The following VSTM5 variants were observed in gnomAD, a reference collection of about 807,000 sequenced individuals.
VSTM5 encodes the protein V-set and transmembrane domain containing 5.
VSTM5 carries 21 observed loss-of-function variants against 20.3 expected under a neutral mutation model. The ratio of observed to expected loss-of-function variants is 1.03; its 90% confidence interval spans 0.73 to 1.49. The LOEUF (loss-of-function observed/expected upper bound fraction) is 1.49. Among genes scored for constraint, VSTM5 ranks in the 40% most tolerant of loss-of-function variants. The probability of loss-of-function intolerance (pLI) is 0.00; values close to 1 mark genes in which losing one functional copy is unlikely to be tolerated. For synonymous variants in VSTM5, 100 were observed against 102.5 expected (o/e 0.98, Z 0.14); for missense variants, 219 against 250.0 (o/e 0.88, Z 0.84).
intron 1 of VSTM5, among the ~76,000 whole-genome samples, chr11:93,827,950 C>A (rs1005149500): frequency 3.3e-5 from 5 of 152,088 alleles, no homozygotes; most frequent in Non-Finnish European, 7.4e-5. Context: ...AAACTGTTAA[C>A]AGGAATTGCC....
At chr11:93,828,431 C>G (rs192692398) in intron 1 of VSTM5, among the ~76,000 whole-genome samples, 104 of 152,300 alleles carry the variant, frequency 6.8e-4, no homozygotes, top group African/African-American at 2.2e-3. Context: ...GTTACTTACT[C>G]CTTTTCTTAC....
chr11:93,844,149 T>C (rs541698343), intron 1 of VSTM5, among the ~76,000 whole-genome samples: 106 of 152,312 alleles, frequency 7.0e-4, no homozygotes, highest in African/African-American at 2.5e-3. Flanking sequence ...GGCTGTGGAA[T>C]TGAATTGACC....
At chr11:93,838,591 A>T (rs1944343230) in intron 1 of VSTM5, among the ~76,000 whole-genome samples, 2 of 151,642 alleles carry the variant, frequency 1.3e-5, no homozygotes, top group Non-Finnish European at 2.9e-5. Flanking sequence ...CAGGAGTTCA[A>T]GACCAGTCTT....
chr11:93,832,107 A>C (rs1944287806), intron 1 of VSTM5, among the ~76,000 whole-genome samples: 1 of 152,224 alleles, frequency 6.6e-6, no homozygotes. Flanking sequence ...CACTGTTGTC[A>C]TAAAGCACAG....
chr11:93,846,200 T>TAG (rs1555039317), intron 1 of VSTM5, among the ~76,000 whole-genome samples: 1 of 152,162 alleles, frequency 6.6e-6, no homozygotes, highest in African/African-American at 2.4e-5. Flanking sequence ...TTAGATATAG[T>TAG]AAGTTTTTTT....
intron 1 of VSTM5, among the ~76,000 whole-genome samples, chr11:93,825,293 C>T (rs1169622222): frequency 6.6e-6 from 1 of 152,098 alleles, no homozygotes; most frequent in African/African-American, 2.4e-5. Context: ...CCTCAGCCTC[C>T]CAAGTAGCTG....
chr11:93,821,012 C>T lies in VSTM5; in HGVS notation c.403G>A (p.Val135Met), dbSNP rs368987142. ...RLGSSQFGTI[V>M]LHVSEILYED... is the part of the protein sequence containing the mutation. Reference sequence around the variant, plus strand: ...GATGTCTTACCAGAGACGTGCAGCACGATGGTGCCAAACTGGCTGCTCCCC... The same window carrying T: ...GATGTCTTACCAGAGACGTGCAGCATGATGGTGCCAAACTGGCTGCTCCCC... The change falls in exon 2 of 4, where the codon GTG becomes ATG. Residue 135 changes from valine (V) to methionine (M), a missense_variant. Coordinates refer to ENST00000409977, the MANE Select transcript of VSTM5 (RefSeq NM_001144871.2). 4.8e-4 allele frequency: 738 copies of T among 1,551,496 alleles called. 1 individual carries two copies. The highest frequency in any genetic ancestry group is 6.2e-4 in the Non-Finnish European group (706 of 1,146,984).
rs1423780864 is a variant in VSTM5, at chr11:93,821,000, AGAC to A, written c.412_414del (p.Val138del). Reference sequence around the variant, plus strand: ...CCGGGGCCCTGGGATGTCTTACCAGAGACGTGCAGCACGATGGTGCCAAACTGG... The same window carrying A: ...CCGGGGCCCTGGGATGTCTTACCAGAGTGCAGCACGATGGTGCCAAACTGG... On this transcript the variant is annotated inframe_deletion, in exon 2 of 4. Coordinates refer to ENST00000409977, the MANE Select transcript of VSTM5 (RefSeq NM_001144871.2). 6.4e-7 allele frequency: 1 copy of A among 1,551,576 alleles called. No homozygotes were observed. The highest frequency in any genetic ancestry group is 1.2e-5 in the South Asian group (1 of 84,064).
chr11:93,833,359 G>A (rs773230340), intron 1 of VSTM5, among the ~76,000 whole-genome samples: 3 of 152,028 alleles, frequency 2.0e-5, no homozygotes, highest in African/African-American at 4.8e-5. Context: ...CAGGCGGATC[G>A]CCTGAGCCTA....
At chr11:93,846,464 G>A (rs942799066) in intron 1 of VSTM5, among the ~76,000 whole-genome samples, 2 of 152,230 alleles carry the variant, frequency 1.3e-5, no homozygotes, top group African/African-American at 4.8e-5. Flanking sequence ...GTGTGCAGGG[G>A]TGCCCATCAG....
chr11:93,850,332 C>G, intron 1 of VSTM5, 80 bp downstream of exon 1: 2 of 1,311,586 alleles, frequency 1.5e-6, no homozygotes, highest in Non-Finnish European at 2.1e-6. Context: ...AGGGGGGCCG[C>G]TGCTAGACCC....
At chr11:93,842,247 A>G (rs1237912774) in intron 1 of VSTM5, among the ~76,000 whole-genome samples, 1 of 152,228 alleles carries the variant, frequency 6.6e-6, no homozygotes, top group East Asian at 1.9e-4. Context: ...TGTACCAGGG[A>G]TTAAAGCAGA....
In VSTM5 at chr11:93,847,226, G is replaced by A. The variant is rs749080380; in HGVS notation, c.91+3186C>T. On this transcript the variant is annotated intron_variant, in intron 1 of 3. Transcript: ENST00000409977. ...GATCAGGGATCAGTGCACGGCCCAC[G>A]GCAACATAGTAGGTGCTTCTAAGAT... Among the ~76,000 whole-genome samples the A allele has an allele frequency of 1.2e-4, 19 of 152,278 alleles. No homozygotes were observed. The South Asian group carries it at 2.1e-3, about 17-fold the overall frequency.
At chr11:93,839,443 G>A (rs563578908) in intron 1 of VSTM5, among the ~76,000 whole-genome samples, 2 of 152,336 alleles carry the variant, frequency 1.3e-5, no homozygotes, top group South Asian at 4.1e-4. Context: ...TCCCTTGGGT[G>A]TCTCCTGCTC....
In VSTM5 at chr11:93,850,010, G is replaced by A. The variant is rs375142221; in HGVS notation, c.91+402C>T. ...AGGGGTCCCCACAGTAGGGGGCGGC[G>A]CACGGACTGCAATCTGGTTATTCCA... is the stretch of plus-strand genomic sequence containing the variant. On this transcript the variant is annotated intron_variant, in intron 1 of 3. Transcript: ENST00000409977. 3.9e-5 allele frequency among the ~76,000 whole-genome samples: 6 copies of A among 152,240 alleles called. No homozygotes were observed. The East Asian group carries it at 7.7e-4, about 20-fold the overall frequency.
intron 1 of VSTM5, among the ~76,000 whole-genome samples, chr11:93,841,886 A>AGT (rs1944373168): frequency 6.6e-6 from 1 of 152,218 alleles, no homozygotes. Context: ...GAATTGAGGC[A>AGT]GTGTGTGTAG....
chr11:93,850,340 C>T (rs1274833905), intron 1 of VSTM5, 72 bp downstream of exon 1: 2 of 1,377,220 alleles, frequency 1.5e-6, no homozygotes, highest in East Asian at 2.7e-5. Context: ...CGCTGCTAGA[C>T]CCCGGGGCCC....
intron 1 of VSTM5, among the ~76,000 whole-genome samples, chr11:93,832,434 A>G (rs74980311): frequency 0.046 from 7,031 of 152,280 alleles, 503 homozygotes; most frequent in African/African-American, 0.16. Context: ...TAAAAACCAG[A>G]AGCTGTGGTT....
intron 1 of VSTM5, among the ~76,000 whole-genome samples, chr11:93,839,791 T>G (rs771220072): frequency 1.3e-5 from 2 of 152,188 alleles, no homozygotes; most frequent in Non-Finnish European, 2.9e-5. Flanking sequence ...CAAAAAGATA[T>G]GTTGACGTCC....
Sources: gnomAD v4.1 joint callset for allele counts (sites outside exome capture counted in the v4.1 genomes callset) on GRCh38, gnomAD v4.1.1 for gene constraint, MANE v1.5 for transcripts, NCBI Gene and HGNC (gene_info 2026-07-23, HGNC 2026-07-21) for gene names.